Variants in MACROD1 observed in about 807,000 individuals in gnomAD.
MACROD1 encodes mono-ADP ribosylhydrolase 1.
MACROD1 carries 31 observed loss-of-function variants against 41.4 expected under a neutral mutation model. The ratio of observed to expected loss-of-function variants is 0.75; its 90% CI spans 0.56 to 1.01. The LOEUF is 1.01. Ranked by LOEUF, MACROD1 falls within the 50% of genes least tolerant of loss-of-function variation. The probability of loss-of-function intolerance (pLI) is 0.00; values close to 1 mark genes in which losing one functional copy is unlikely to be tolerated. For missense variants in MACROD1, 473 were observed against 460.0 expected (o/e 1.03, Z -0.26); for synonymous variants, 252 against 203.4 (o/e 1.24, Z -2.03).
Position 63,998,882 on chromosome 11 carries a change from AGAG to A in MACROD1, c.974-13_974-11del. ...CTGCGGGAGCCTCAGGCTGGAAGGC[AGAG>A]GACAGTGAGAGCCCGCCCCCAGGGT... On this transcript the variant is annotated splice_polypyrimidine_tract_variant and intron_variant, in intron 9 of 10. Transcript: ENST00000255681. The A allele has an allele frequency of 1.3e-6, 2 of 1,596,398 alleles. No individual in the cohort carries two copies. The highest frequency in any genetic ancestry group is 1.7e-6 in the Non-Finnish European group (2 of 1,172,992).
intron 3 of MACROD1, among the ~76,000 whole-genome samples, chr11:64,079,258 CAG>C (rs1302522670): frequency 6.6e-6 from 1 of 151,942 alleles, no homozygotes; most frequent in Non-Finnish European, 1.5e-5. Context: ...TGAGGGGTCA[CAG>C]GGGCTCCCAC....
At chr11:64,083,314 T>C (rs1944335598) in intron 3 of MACROD1, among the ~76,000 whole-genome samples, 1 of 152,144 alleles carries the variant, frequency 6.6e-6, no homozygotes. Flanking sequence ...TGGGCACCTA[T>C]AGTCCCAGCT....
chr11:64,147,373 CAG>C (rs929322140), intron 3 of MACROD1, among the ~76,000 whole-genome samples: 1 of 149,268 alleles, frequency 6.7e-6, no homozygotes, highest in Non-Finnish European at 1.5e-5. Context: ...CCTGCAGCCT[CAG>C]AGTCTGATTT....
intron 3 of MACROD1, among the ~76,000 whole-genome samples, chr11:64,125,424 G>A (rs1202281312): frequency 2.6e-5 from 4 of 152,180 alleles, no homozygotes; most frequent in Non-Finnish European, 5.9e-5. Flanking sequence ...GCACACAGGG[G>A]TACTCAATCC....
intron 3 of MACROD1, chr11:64,126,987 G>T (rs918374259): frequency 6.6e-6 from 1 of 152,146 alleles, no homozygotes; most frequent in African/African-American, 2.4e-5. Context: ...GACCCGGCCC[G>T]GCTTCTCAGG....
chr11:64,105,008 C>T (rs1944733914), intron 3 of MACROD1, among the ~76,000 whole-genome samples: 1 of 152,244 alleles, frequency 6.6e-6, no homozygotes, highest in Non-Finnish European at 1.5e-5. Flanking sequence ...CACGCTCTTC[C>T]TCAGGAGAGG....
At chr11:64,099,848 A>G (rs373849262) in intron 3 of MACROD1, among the ~76,000 whole-genome samples, 32 of 149,852 alleles carry the variant, frequency 2.1e-4, no homozygotes, top group African/African-American at 6.9e-4. Context: ...TGGATGGATG[A>G]ATGAATAGAG....
intron 5 of MACROD1, 156 bp downstream of exon 5, chr11:64,000,071 G>A (rs1942794051): frequency 3.1e-6 from 2 of 649,682 alleles, no homozygotes; most frequent in Non-Finnish European, 5.2e-6. Flanking sequence ...TGCTTCCTGG[G>A]GTGTGCGGGG....
chr11:64,142,510 A>G (rs1590962518), intron 3 of MACROD1, among the ~76,000 whole-genome samples: 1 of 152,106 alleles, frequency 6.6e-6, no homozygotes, highest in African/African-American at 2.4e-5. Context: ...GGGTGGAAGG[A>G]CCCTGGAAGG....
At chr11:64,079,173 T>A (rs1289163978) in intron 3 of MACROD1, among the ~76,000 whole-genome samples, 1 of 152,104 alleles carries the variant, frequency 6.6e-6, no homozygotes, top group Non-Finnish European at 1.5e-5. Context: ...AAGGACTTGC[T>A]GACGACTGTG....
chr11:64,121,240 GC>G (rs962356143), intron 3 of MACROD1, among the ~76,000 whole-genome samples: 1 of 152,186 alleles, frequency 6.6e-6, no homozygotes, highest in African/African-American at 2.4e-5. Context: ...AGCTCCTTGG[GC>G]CCCAGGACCA....
chr11:64,131,644 A>G (rs1191642874), intron 3 of MACROD1, among the ~76,000 whole-genome samples: 1 of 152,092 alleles, frequency 6.6e-6, no homozygotes, highest in Non-Finnish European at 1.5e-5. Flanking sequence ...TGTTTTCTGA[A>G]GGCAGCAGGA....
chr11:64,137,567 G>A (rs1424197228), intron 3 of MACROD1, among the ~76,000 whole-genome samples: 2 of 152,182 alleles, frequency 1.3e-5, no homozygotes, highest in Non-Finnish European at 2.9e-5. Flanking sequence ...CAACAGATTT[G>A]CTCAGCCTAG....
At chr11:64,085,038 T>G (rs886216767) in intron 3 of MACROD1, among the ~76,000 whole-genome samples, 1 of 152,182 alleles carries the variant, frequency 6.6e-6, no homozygotes, top group Non-Finnish European at 1.5e-5. Context: ...ATTTTACAGA[T>G]AAAGAAACTG....
chr11:64,121,853 A>T (rs1381100054), intron 3 of MACROD1, among the ~76,000 whole-genome samples: 1 of 152,174 alleles, frequency 6.6e-6, no homozygotes, highest in Non-Finnish European at 1.5e-5. Context: ...GTTTAAAGTT[A>T]AAGATAAAAA....
chr11:64,004,987 C>T (rs1942886122), intron 4 of MACROD1, among the ~76,000 whole-genome samples: 1 of 137,876 alleles, frequency 7.3e-6, no homozygotes, highest in Admixed American at 7.1e-5. Context: ...TGTCCAAGGC[C>T]CCACAGTGAG....
At chr11:64,027,701 G>C (rs2134358583) in intron 3 of MACROD1, among the ~76,000 whole-genome samples, 2 of 152,172 alleles carry the variant, frequency 1.3e-5, no homozygotes, top group Non-Finnish European at 2.9e-5. Flanking sequence ...CTGGCCCCCA[G>C]TGACCGCTTT....
chr11:64,122,984 C>T lies in MACROD1; in HGVS notation c.517+28255G>A, dbSNP rs1445009612. Among the ~76,000 whole-genome samples, 4 of 152,254 alleles carry T rather than the reference C, an allele frequency of 2.6e-5. No homozygotes were observed. Among genetic ancestry groups the T allele is most frequent in the African/African-American group, 9.6e-5 (4 of 41,472 alleles). On this transcript the variant is annotated intron_variant, in intron 3 of 10. Transcript: ENST00000255681. This position sits in a 1 kb window ranked among gnomAD's most constrained non-coding sequence, Gnocchi z 4.0. Reference sequence around the variant, plus strand: ...AAAGCCAGCCCACTTCAGAAACCTGCTTCCTGCTGAACGTGCCAGAGAGGA... The same window carrying T: ...AAAGCCAGCCCACTTCAGAAACCTGTTTCCTGCTGAACGTGCCAGAGAGGA...
At chr11:64,063,068 C>T (rs565760062) in intron 3 of MACROD1, among the ~76,000 whole-genome samples, 48 of 152,300 alleles carry the variant, frequency 3.2e-4, no homozygotes, top group East Asian at 1.2e-3. Context: ...TGGTGACAGT[C>T]GTTCTAGTTT....
Sources: gnomAD v4.1 joint callset for allele counts (sites outside exome capture counted in the v4.1 genomes callset) on GRCh38, gnomAD v4.1.1 for gene constraint, Gnocchi (gnomAD v3.1) non-coding constraint, MANE v1.5 for transcripts, NCBI Gene and HGNC (gene_info 2026-07-23, HGNC 2026-07-21) for gene names.